The following MIS18A variants were observed in gnomAD, a reference collection of about 807,000 sequenced individuals.
The protein encoded by MIS18A is protein Mis18-alpha.
In MIS18A, 14 loss-of-function variants were observed where a neutral mutation model predicts 25.0. The observed-to-expected ratio is 0.56, with a 90% CI of 0.37 to 0.88. The LOEUF is 0.88. Among genes scored for constraint, MIS18A ranks in the 40% least tolerant of loss-of-function variants. MIS18A has a pLI of 0.00. For synonymous variants in MIS18A, 134 were observed against 118.6 expected (o/e 1.13, Z -0.84); for missense variants, 292 against 290.8 (o/e 1.00, Z -0.03).
the MIS18A span, among the ~76,000 whole-genome samples, chr21:32,171,835 A>G: frequency 1.3e-5 from 2 of 152,086 alleles, no homozygotes; most frequent in African/African-American, 2.4e-5. Context: ...GTTGAAACAA[A>G]TAAGAGAAGA....
chr21:32,237,742 C>T, the MIS18A span, among the ~76,000 whole-genome samples: 2 of 152,044 alleles, frequency 1.3e-5, no homozygotes, highest in Non-Finnish European at 2.9e-5. Flanking sequence ...GAATTATATT[C>T]CTGATGATTA....
chr21:32,183,179 G>A, the MIS18A span, among the ~76,000 whole-genome samples: 1 of 152,114 alleles, frequency 6.6e-6, no homozygotes, highest in South Asian at 2.1e-4. Context: ...TTAGTCCATT[G>A]AACCAATGTC....
chr21:32,259,126 G>A, the MIS18A span, among the ~76,000 whole-genome samples: 1 of 152,084 alleles, frequency 6.6e-6, no homozygotes, highest in Non-Finnish European at 1.5e-5. Context: ...CTCCTGCCTC[G>A]GCCTCCCAAA....
chr21:32,158,054 T>A, the MIS18A span, among the ~76,000 whole-genome samples: 3 of 152,238 alleles, frequency 2.0e-5, no homozygotes, highest in African/African-American at 4.8e-5. Flanking sequence ...TACAATTTTT[T>A]AAGTTACTTG....
At chr21:32,256,103 T>C in the MIS18A span, among the ~76,000 whole-genome samples, 1 of 152,126 alleles carries the variant, frequency 6.6e-6, no homozygotes, top group Non-Finnish European at 1.5e-5. Flanking sequence ...GATTCATTAT[T>C]AAACATTTTT....
the MIS18A span, among the ~76,000 whole-genome samples, chr21:32,191,894 A>C: frequency 6.6e-6 from 1 of 152,122 alleles, no homozygotes; most frequent in Non-Finnish European, 1.5e-5. Flanking sequence ...AACAAGAGTG[A>C]AACTTCATCT....
the MIS18A span, among the ~76,000 whole-genome samples, chr21:32,253,396 C>G: frequency 2.2e-5 from 3 of 136,456 alleles, no homozygotes; most frequent in Non-Finnish European, 3.2e-5. Context: ...GCCCTCCCCC[C>G]ACCCCCCATT....
At chr21:32,157,062 T>C in the MIS18A span, among the ~76,000 whole-genome samples, 1 of 146,776 alleles carries the variant, frequency 6.8e-6, no homozygotes, top group Non-Finnish European at 1.5e-5. Flanking sequence ...TTCTTTTTTT[T>C]TTTTTTTTGA....
the MIS18A span, among the ~76,000 whole-genome samples, chr21:32,193,571 T>C: frequency 6.6e-6 from 1 of 152,118 alleles, no homozygotes; most frequent in African/African-American, 2.4e-5. Context: ...AGCTCTGGAA[T>C]TGCGTAAATA....
At chr21:32,269,919 C>A in intron 3 of MIS18A, 116 bp from the exon 4 acceptor site, 1 of 672,550 alleles carries the variant, frequency 1.5e-6, no homozygotes, top group Non-Finnish European at 2.6e-6. Flanking sequence ...TGAAACCAGC[C>A]TGGGCAACAC....
chr21:32,189,428 A>C, the MIS18A span, among the ~76,000 whole-genome samples: 1 of 152,078 alleles, frequency 6.6e-6, no homozygotes, highest in Admixed American at 6.5e-5. Context: ...ACAGGTATGC[A>C]CCACCACACC....
At chr21:32,191,101 C>T in the MIS18A span, among the ~76,000 whole-genome samples, 2 of 152,244 alleles carry the variant, frequency 1.3e-5, no homozygotes, top group Admixed American at 1.3e-4. Context: ...ATCTCTTGTT[C>T]ATGGCTGCAC....
chr21:32,203,454 C>T, the MIS18A span, among the ~76,000 whole-genome samples: 8 of 148,794 alleles, frequency 5.4e-5, no homozygotes, highest in South Asian at 2.1e-4. Flanking sequence ...AGGGGTGAAA[C>T]TCAGAATGGT....
chr21:32,179,115 T>A, the MIS18A span, among the ~76,000 whole-genome samples: 18 of 151,428 alleles, frequency 1.2e-4, no homozygotes, highest in African/African-American at 4.1e-4. Context: ...ATATATAAAA[T>A]ATATATATCT....
At chr21:32,190,001 A>G in the MIS18A span, among the ~76,000 whole-genome samples, 10,491 of 152,284 alleles carry the variant, frequency 0.069, 392 homozygotes, top group Middle Eastern at 0.11. Context: ...AGCCCTTGAC[A>G]TTATGAGTCT....
Position 32,279,032 on chromosome 21 carries a change from C to T in MIS18A, c.-18G>A. On this transcript the variant is annotated 5_prime_UTR_variant, in exon 1 of 5. Coordinates refer to ENST00000290130, the MANE Select transcript of MIS18A (RefSeq NM_018944.3). ...CCTGCCATTACCTACAAATCGCCCG[C>T]GCCCCAGAGCGCCATGGGAAAAAAA... is the stretch of plus-strand genomic sequence containing the variant. 6.4e-7 allele frequency: 1 copy of T among 1,571,000 alleles called. No individual in the cohort carries two copies. The highest frequency in any genetic ancestry group is 1.1e-5 in the South Asian group (1 of 88,570).
the MIS18A span, among the ~76,000 whole-genome samples, chr21:32,183,987 T>C: frequency 6.6e-6 from 1 of 152,240 alleles, no homozygotes; most frequent in Admixed American, 6.5e-5. Flanking sequence ...ATCTGCGTTT[T>C]TCAAAATACC....
At chr21:32,273,519 G>A (rs1049079993) in intron 2 of MIS18A, among the ~76,000 whole-genome samples, 3 of 152,098 alleles carry the variant, frequency 2.0e-5, no homozygotes, top group African/African-American at 7.2e-5. Context: ...TCTTCTGTCA[G>A]AACTGGGGAC....
chr21:32,155,950 A>AG, the MIS18A span, among the ~76,000 whole-genome samples: 1 of 103,796 alleles, frequency 9.6e-6, no homozygotes, highest in Non-Finnish European at 2.1e-5. Context: ...ACCAATTGTT[A>AG]GGAAAAAAAA....
Sources: allele counts gnomAD v4.1 joint callset (sites outside exome capture counted in the v4.1 genomes callset), GRCh38; gene constraint gnomAD v4.1.1; transcripts MANE v1.5; gene names NCBI Gene and HGNC (gene_info 2026-07-23, HGNC 2026-07-21).